ANO1: variants seen among roughly 807,000 people sequenced by gnomAD.
The protein encoded by ANO1 is anoctamin-1.
Under a neutral mutation model 124.0 loss-of-function variants are expected in ANO1, and 59 were observed. The ratio of observed to expected loss-of-function variants is 0.48; its 90% CI spans 0.39 to 0.59. The LOEUF (loss-of-function observed/expected upper bound fraction) is 0.59, where lower values mean the gene tolerates loss of function less well. Ranked by LOEUF, ANO1 falls within the 20% of genes least tolerant of loss-of-function variation. The pLI, the probability that ANO1 is intolerant of heterozygous loss-of-function variation, is 0.00. For missense variants in ANO1, 1,059 were observed against 1,328.0 expected (o/e 0.80, Z 3.15); for synonymous variants, 529 against 532.0 (o/e 0.99, Z 0.08).
chr11:70,185,894 A>G (rs920966405), intron 25 of ANO1, among the ~76,000 whole-genome samples, 199 bp downstream of exon 25: 6 of 152,072 alleles, frequency 3.9e-5, no homozygotes, highest in Non-Finnish European at 7.4e-5. Context: ...GCCCAAGACA[A>G]CCTCATGAGA....
chr11:69,985,553 G>A (rs1856022431), upstream of ANO1, among the ~76,000 whole-genome samples: 1 of 152,206 alleles, frequency 6.6e-6, no homozygotes, highest in Non-Finnish European at 1.5e-5. Flanking sequence ...CCCGCGCCCA[G>A]GGCTGCGCCC....
intron 11 of ANO1, among the ~76,000 whole-genome samples, chr11:70,138,052 G>T (rs1197873595): frequency 1.4e-5 from 2 of 147,494 alleles, no homozygotes; most frequent in African/African-American, 4.9e-5. Flanking sequence ...CTTCAGAAAA[G>T]AATAACAGCT....
intron 12 of ANO1, 161 bp downstream of exon 12, chr11:70,149,953 C>T (rs1438705436): frequency 1.6e-5 from 12 of 744,188 alleles, no homozygotes; most frequent in Non-Finnish European, 2.3e-5. Context: ...TGCCTCGCCA[C>T]TCAACACCCT....
chr11:70,058,414 C>A (rs1399614262), intron 1 of ANO1, among the ~76,000 whole-genome samples: 1 of 152,132 alleles, frequency 6.6e-6, no homozygotes, highest in South Asian at 2.1e-4. Flanking sequence ...AAGGCCTTGG[C>A]GGTTTTGGAG....
At chr11:69,992,164 AT>A (rs1554997618) in intron 1 of ANO1, among the ~76,000 whole-genome samples, 1 of 152,052 alleles carries the variant, frequency 6.6e-6, no homozygotes, top group Non-Finnish European at 1.5e-5. Context: ...GGGTGGGTAG[AT>A]GAATGGATGA....
At chr11:70,028,641 C>A (rs1249942154) in intron 1 of ANO1, among the ~76,000 whole-genome samples, 2 of 152,170 alleles carry the variant, frequency 1.3e-5, no homozygotes, top group African/African-American at 4.8e-5. Context: ...GCTTCCCCTC[C>A]TTCTCCTAAT....
the ANO1 span, among the ~76,000 whole-genome samples, chr11:69,980,861 G>A: frequency 6.6e-6 from 1 of 152,104 alleles, no homozygotes; most frequent in Non-Finnish European, 1.5e-5. Context: ...AGACCATCCT[G>A]GCCAACATGG....
chr11:70,114,514 T>C (rs1257019786), intron 7 of ANO1, among the ~76,000 whole-genome samples: 1 of 152,200 alleles, frequency 6.6e-6, no homozygotes, highest in Non-Finnish European at 1.5e-5. Context: ...TTTACATTTT[T>C]GCTTCCATCT....
chr11:70,052,454 A>G (rs1276329149), intron 1 of ANO1, among the ~76,000 whole-genome samples: 4 of 148,204 alleles, frequency 2.7e-5, no homozygotes, highest in African/African-American at 7.5e-5. Flanking sequence ...ACATACACAC[A>G]TGCCTTCTGA....
chr11:70,007,273 C>CTTTTTTTT (rs71046569), intron 1 of ANO1, among the ~76,000 whole-genome samples: 5 of 134,700 alleles, frequency 3.7e-5, no homozygotes, highest in South Asian at 2.3e-4. Context: ...TCCTTTCTTT[C>CTTTTTTTT]TTTTTTTTTT....
At chr11:70,183,278 G>T (rs1437331272) in intron 24 of ANO1, among the ~76,000 whole-genome samples, 1 of 152,206 alleles carries the variant, frequency 6.6e-6, no homozygotes, top group Non-Finnish European at 1.5e-5. Flanking sequence ...GTGTTGCATT[G>T]TTCTCTTGCT....
intron 6 of ANO1, among the ~76,000 whole-genome samples, chr11:70,109,300 C>T (rs1371224204): frequency 6.6e-6 from 1 of 152,282 alleles, no homozygotes; most frequent in South Asian, 2.1e-4. Flanking sequence ...CAGTGGGAGT[C>T]AAGGGCTCGG....
chr11:69,967,814 G>A, the ANO1 span, among the ~76,000 whole-genome samples: 1 of 152,184 alleles, frequency 6.6e-6, no homozygotes, highest in Admixed American at 6.5e-5. Context: ...TTGAAAAGAG[G>A]GGCTGAGAAT....
chr11:70,040,020 A>G (rs1037548474), intron 1 of ANO1, among the ~76,000 whole-genome samples: 8 of 152,250 alleles, frequency 5.3e-5, no homozygotes, highest in African/African-American at 1.9e-4. Context: ...ATATTCCTGG[A>G]CCAAATTAAT....
At chr11:70,130,674 C>T (rs763724993) in intron 10 of ANO1, among the ~76,000 whole-genome samples, 2 of 152,226 alleles carry the variant, frequency 1.3e-5, no homozygotes, top group South Asian at 2.1e-4. Context: ...CATGAAGATC[C>T]TCTCTCCTGG....
At chr11:70,119,080 A>G (rs1269080463) in intron 8 of ANO1, among the ~76,000 whole-genome samples, 1 of 132,082 alleles carries the variant, frequency 7.6e-6, no homozygotes, top group African/African-American at 2.9e-5. Context: ...AGGTGAATTG[A>G]TGGATGCTGG....
intron 1 of ANO1, among the ~76,000 whole-genome samples, chr11:70,065,713 G>A (rs1294759392): frequency 6.6e-6 from 1 of 151,886 alleles, no homozygotes; most frequent in Non-Finnish European, 1.5e-5. Context: ...GGGTGCCCCA[G>A]CCTGGCTGAC....
intron 21 of ANO1, among the ~76,000 whole-genome samples, chr11:70,168,661 G>C (rs996789880): frequency 2.0e-5 from 3 of 152,130 alleles, no homozygotes; most frequent in African/African-American, 7.2e-5. Context: ...CAGTGCCCTG[G>C]CCACCAAGGT....
Position 70,131,908 on chromosome 11 carries a change from C to T in ANO1, c.1098-11C>T, listed in dbSNP as rs765795523. 4 of 1,601,390 alleles carry T rather than the reference C, an allele frequency of 2.5e-6. No homozygotes were observed. Among genetic ancestry groups the T allele is most frequent in the South Asian group, 1.1e-5 (1 of 90,268 alleles). ...AACAAGGTGACTCCAGGGCTGCCCC[C>T]TCTCTTGCAGCATGGAGATGTGTGA... On this transcript the variant is annotated splice_polypyrimidine_tract_variant and intron_variant, in intron 10 of 25. Coordinates refer to ENST00000355303, the MANE Select transcript of ANO1 (RefSeq NM_018043.7).
Sources: gnomAD v4.1 joint callset for allele counts (sites outside exome capture counted in the v4.1 genomes callset) on GRCh38, gnomAD v4.1.1 for gene constraint, MANE v1.5 for transcripts, NCBI Gene and HGNC (gene_info 2026-07-23, HGNC 2026-07-21) for gene names.